Variants in RIT2 observed in about 807,000 individuals in gnomAD.
RIT2 encodes Ras like without CAAX 2.
RIT2 carries 24 observed loss-of-function variants against 23.7 expected under a neutral mutation model. The observed-to-expected ratio is 1.01, with a 90% CI of 0.73 to 1.43. RIT2 has a LOEUF of 1.43. Among genes scored for constraint, RIT2 ranks in the 40% most tolerant of loss-of-function variants. The pLI is 0.00. For synonymous variants in RIT2, 107 were observed against 91.1 expected, an observed-to-expected ratio of 1.17 and a Z score of -0.99; for missense variants, 236 against 266.9, an observed-to-expected ratio of 0.88 and a Z score of 0.81.
intron 2 of RIT2, among the ~76,000 whole-genome samples, chr18:42,990,692 C>T (rs1238734441): frequency 6.6e-6 from 1 of 152,164 alleles, no homozygotes; most frequent in Non-Finnish European, 1.5e-5. Context: ...ATTCAGTTTA[C>T]TTTCTTCTCA....
At chr18:42,977,170 C>T (rs1310577188) in intron 2 of RIT2, among the ~76,000 whole-genome samples, 1 of 151,980 alleles carries the variant, frequency 6.6e-6, no homozygotes, top group Non-Finnish European at 1.5e-5. Flanking sequence ...CTCTAAGGCT[C>T]TTCTTTCATT....
chr18:43,037,359 T>C (rs1259742733), intron 1 of RIT2, among the ~76,000 whole-genome samples: 5 of 152,192 alleles, frequency 3.3e-5, no homozygotes, highest in Non-Finnish European at 7.4e-5. Flanking sequence ...TTAATTATTT[T>C]TATCATTTTG....
chr18:42,912,925 G>T (rs1400388813), intron 4 of RIT2, among the ~76,000 whole-genome samples: 1 of 151,638 alleles, frequency 6.6e-6, no homozygotes. Context: ...AATTAACAAA[G>T]AAATATTAAG....
chr18:42,987,461 AC>A (rs1910737831), intron 2 of RIT2, among the ~76,000 whole-genome samples: 1 of 152,204 alleles, frequency 6.6e-6, no homozygotes, highest in South Asian at 2.1e-4. Context: ...TGAGGGACAA[AC>A]AAAAGTTATC....
chr18:42,934,118 C>T (rs1909397178), intron 3 of RIT2, among the ~76,000 whole-genome samples: 2 of 150,678 alleles, frequency 1.3e-5, no homozygotes, highest in Non-Finnish European at 1.5e-5. Context: ...TGGGAACAGA[C>T]TAATCTGCCT....
intron 4 of RIT2, among the ~76,000 whole-genome samples, chr18:42,777,716 T>A (rs957070655): frequency 5.9e-5 from 9 of 152,190 alleles, no homozygotes. Context: ...TCTTATTTTT[T>A]CTTTGGAAGC....
intron 4 of RIT2, among the ~76,000 whole-genome samples, chr18:42,771,772 T>C (rs567412375): frequency 6.6e-6 from 1 of 152,302 alleles, no homozygotes; most frequent in Admixed American, 6.5e-5. Flanking sequence ...TATTGACTGG[T>C]AGCAATGTTA....
chr18:42,785,549 T>G (rs1014974483), intron 4 of RIT2, among the ~76,000 whole-genome samples: 1 of 152,142 alleles, frequency 6.6e-6, no homozygotes, highest in African/African-American at 2.4e-5. Context: ...GCTATTTTAT[T>G]GTGTAAAATA....
At chr18:42,854,646 C>A (rs534884706) in intron 4 of RIT2, among the ~76,000 whole-genome samples, 1 of 152,060 alleles carries the variant, frequency 6.6e-6, no homozygotes, top group East Asian at 1.9e-4. Context: ...CCAGGCATAC[C>A]GTTGAACAAT....
At chr18:42,800,599 G>A (rs1905507514) in intron 4 of RIT2, among the ~76,000 whole-genome samples, 1 of 148,300 alleles carries the variant, frequency 6.7e-6, no homozygotes, top group Admixed American at 6.9e-5. Flanking sequence ...GGCGCCATCT[G>A]GCTCACTGCA....
intron 1 of RIT2, among the ~76,000 whole-genome samples, chr18:43,050,837 C>T (rs1912363613): frequency 6.6e-6 from 1 of 152,070 alleles, no homozygotes; most frequent in South Asian, 2.1e-4. Flanking sequence ...GACAGCACAC[C>T]GAGGGAGGGC....
At chr18:42,832,772 G>T (rs1168208172) in intron 4 of RIT2, among the ~76,000 whole-genome samples, 1 of 151,840 alleles carries the variant, frequency 6.6e-6, no homozygotes, top group Non-Finnish European at 1.5e-5. Flanking sequence ...ATTCTTTCTG[G>T]CTGGGTGCAG....
chr18:42,923,029 C>A (rs867826313), intron 4 of RIT2, among the ~76,000 whole-genome samples: 1 of 152,114 alleles, frequency 6.6e-6, no homozygotes, highest in Admixed American at 6.6e-5. Flanking sequence ...GAAATCCAGA[C>A]AAGGCTTACC....
At chr18:42,773,381 A>G (rs1913595588) in intron 4 of RIT2, among the ~76,000 whole-genome samples, 1 of 152,216 alleles carries the variant, frequency 6.6e-6, no homozygotes, top group Non-Finnish European at 1.5e-5. Flanking sequence ...AATATAGGGA[A>G]TATAAACTGA....
intron 4 of RIT2, among the ~76,000 whole-genome samples, chr18:42,830,769 C>G (rs888530819): frequency 3.9e-5 from 6 of 152,104 alleles, no homozygotes; most frequent in African/African-American, 1.4e-4. Flanking sequence ...AGATAGGGAA[C>G]AAGTTCTGCT....
At chr18:42,919,346 C>T (rs1036572035) in intron 4 of RIT2, among the ~76,000 whole-genome samples, 2 of 151,986 alleles carry the variant, frequency 1.3e-5, no homozygotes, top group African/African-American at 4.8e-5. Flanking sequence ...AGTTTCAAGG[C>T]CTAAAGCTGA....
chr18:42,826,085 A>C (rs1213620131), intron 4 of RIT2, among the ~76,000 whole-genome samples: 1 of 152,036 alleles, frequency 6.6e-6, no homozygotes, highest in African/African-American at 2.4e-5. Flanking sequence ...CATCTTGCTA[A>C]ATCCCTCATT....
intron 4 of RIT2, among the ~76,000 whole-genome samples, chr18:42,858,959 A>G (rs1194503917): frequency 6.6e-6 from 1 of 152,162 alleles, no homozygotes; most frequent in African/African-American, 2.4e-5. Flanking sequence ...TCATCAATTG[A>G]TGGCATTTTG....
chr18:42,891,901 A>C (rs1414752982), intron 4 of RIT2, among the ~76,000 whole-genome samples: 1 of 152,172 alleles, frequency 6.6e-6, no homozygotes, highest in African/African-American at 2.4e-5. Context: ...TAGGGTAATA[A>C]CGGTGTGTCA....
Sources: gnomAD v4.1 joint callset for allele counts (sites outside exome capture counted in the v4.1 genomes callset) on GRCh38, gnomAD v4.1.1 for gene constraint, MANE v1.5 for transcripts, NCBI Gene and HGNC (gene_info 2026-07-23, HGNC 2026-07-21) for gene names.